LRRTM4: variants seen among roughly 807,000 people sequenced by gnomAD.
LRRTM4 encodes the protein leucine-rich repeat transmembrane neuronal protein 4.
LRRTM4 carries 25 observed loss-of-function variants against 47.6 expected under a neutral mutation model. The ratio of observed to expected loss-of-function variants is 0.53; its 90% confidence interval spans 0.38 to 0.73. The LOEUF is 0.73. LRRTM4 is among the 30% of genes least tolerant of loss of function. LRRTM4 has a pLI of 0.00. For missense variants in LRRTM4, 638 were observed against 713.4 expected (o/e 0.89, Z 1.20); for synonymous variants, 311 against 269.5 (o/e 1.15, Z -1.51).
At chr2:76,798,672 T>C (rs1317106154) in intron 3 of LRRTM4, among the ~76,000 whole-genome samples, 1 of 151,044 alleles carries the variant, frequency 6.6e-6, no homozygotes, top group East Asian at 1.9e-4. Flanking sequence ...GCTGGTTTTT[T>C]GAAAGGATCA....
At chr2:76,950,923 A>G (rs970928242) in intron 3 of LRRTM4, among the ~76,000 whole-genome samples, 4 of 152,058 alleles carry the variant, frequency 2.6e-5, no homozygotes, top group African/African-American at 9.7e-5. Flanking sequence ...TAAACCAGAC[A>G]GATGCATTCA....
chr2:76,982,113 T>C (rs1676632357), intron 3 of LRRTM4, among the ~76,000 whole-genome samples: 1 of 152,212 alleles, frequency 6.6e-6, no homozygotes, highest in Middle Eastern at 3.4e-3. Context: ...TATGTGTCCA[T>C]GGATATTGTT....
chr2:76,847,475 T>C (rs912105260), intron 3 of LRRTM4, among the ~76,000 whole-genome samples: 3 of 152,146 alleles, frequency 2.0e-5, no homozygotes, highest in South Asian at 2.1e-4. Flanking sequence ...CTTTTCTATA[T>C]AGGTTTTCTC....
chr2:77,138,383 A>G (rs1672012492), intron 3 of LRRTM4, among the ~76,000 whole-genome samples: 1 of 152,204 alleles, frequency 6.6e-6, no homozygotes, highest in Non-Finnish European at 1.5e-5. Flanking sequence ...CTGGGTACAT[A>G]ACGAAATGAA....
Position 76,953,929 on chromosome 2 carries a change from C to T in LRRTM4, c.1552-205013G>A, listed in dbSNP as rs538977591. Among the ~76,000 whole-genome samples the T allele has an allele frequency of 7.9e-5, 12 of 151,956 alleles. 1 individual carries two copies. In the South Asian group the frequency reaches 2.5e-3, roughly 32 times the overall value. On this transcript the variant is annotated intron_variant, in intron 3 of 3. Coordinates refer to ENST00000409884, the MANE Select transcript of LRRTM4 (RefSeq NM_001134745.3). ...ATCAGAGAACCTGCAATACCACAGA[C>T]AGACACCAGAGAGAGCAAGAGACTA...
intron 3 of LRRTM4, among the ~76,000 whole-genome samples, chr2:77,191,907 T>G (rs1673680138): frequency 6.6e-6 from 1 of 151,964 alleles, no homozygotes; most frequent in South Asian, 2.1e-4. Flanking sequence ...ACCCCTAAAC[T>G]TTACAGGACA....
chr2:77,314,428 A>G (rs1291199001), intron 3 of LRRTM4, among the ~76,000 whole-genome samples: 1 of 152,210 alleles, frequency 6.6e-6, no homozygotes, highest in African/African-American at 2.4e-5. Context: ...CTTGATTTAT[A>G]GCCTTTTATA....
At chr2:76,760,093 A>G (rs1156867937) in intron 3 of LRRTM4, among the ~76,000 whole-genome samples, 1 of 152,026 alleles carries the variant, frequency 6.6e-6, no homozygotes, top group Admixed American at 6.6e-5. Flanking sequence ...TTTATTAGAG[A>G]ATTGAGTTGT....
intron 3 of LRRTM4, among the ~76,000 whole-genome samples, chr2:77,167,589 T>G (rs1672922555): frequency 6.6e-6 from 1 of 152,178 alleles, no homozygotes; most frequent in African/African-American, 2.4e-5. Context: ...TAAGAAAATG[T>G]GGCATATATA....
At chr2:76,944,444 G>C (rs952918055) in intron 3 of LRRTM4, among the ~76,000 whole-genome samples, 1 of 152,054 alleles carries the variant, frequency 6.6e-6, no homozygotes, top group Non-Finnish European at 1.5e-5. Flanking sequence ...AAAACATGTT[G>C]ATCTTGTTCT....
chr2:77,483,119 A>C (rs1442072004), intron 3 of LRRTM4, among the ~76,000 whole-genome samples: 1 of 4,874 alleles, frequency 2.1e-4, no homozygotes, highest in Non-Finnish European at 8.9e-4. Flanking sequence ...AGACTGTCTC[A>C]AAAAAAAAAA....
Position 77,504,724 on chromosome 2 carries a change from T to C in LRRTM4, c.1551+13594A>G, listed in dbSNP as rs892897059. Among the ~76,000 whole-genome samples, 6 of 151,506 alleles carry C rather than the reference T, an allele frequency of 4.0e-5. 1 individual carries two copies. The South Asian group carries it at 1.2e-3, about 31-fold the overall frequency. ...GACTCAAGGAGCTGACATCCCTTAT[T>C]TATAGTTTGTAGTGCAGTGGTCTAT... On this transcript the variant is annotated intron_variant, in intron 3 of 3. Coordinates refer to ENST00000409884, the MANE Select transcript of LRRTM4 (RefSeq NM_001134745.3).
At chr2:77,365,415 T>G (rs73941245) in intron 3 of LRRTM4, among the ~76,000 whole-genome samples, 4,962 of 152,070 alleles carry the variant, frequency 0.033, 202 homozygotes, top group African/African-American at 0.096. Context: ...AAAGAGTCAT[T>G]CAGTAATCAA....
At chr2:77,063,564 T>C (rs10198799) in intron 3 of LRRTM4, among the ~76,000 whole-genome samples, 68,973 of 151,920 alleles carry the variant, frequency 0.45, 20,264 homozygotes, top group African/African-American at 0.83. Flanking sequence ...GTAGTCTCTT[T>C]CAAATTAGCA....
At chr2:77,116,074 G>A (rs1453010758) in intron 3 of LRRTM4, among the ~76,000 whole-genome samples, 3 of 152,070 alleles carry the variant, frequency 2.0e-5, no homozygotes, top group African/African-American at 7.2e-5. Flanking sequence ...AGCAAAATGG[G>A]TTTAGGCACT....
At chr2:77,012,973 C>T (rs922415793) in intron 3 of LRRTM4, among the ~76,000 whole-genome samples, 4 of 152,104 alleles carry the variant, frequency 2.6e-5, no homozygotes, top group African/African-American at 9.7e-5. Flanking sequence ...TACAGATGTT[C>T]AAGAGGTATA....
chr2:76,834,098 T>C (rs998160415), intron 3 of LRRTM4, among the ~76,000 whole-genome samples: 3 of 151,646 alleles, frequency 2.0e-5, no homozygotes, highest in Non-Finnish European at 4.4e-5. Context: ...TGGAGTGCAG[T>C]GGCACCATCT....
chr2:77,361,473 C>T (rs1292807263), intron 3 of LRRTM4, among the ~76,000 whole-genome samples: 1 of 152,092 alleles, frequency 6.6e-6, no homozygotes, highest in African/African-American at 2.4e-5. Context: ...TTGGCTTAAT[C>T]TCTTAGACAA....
intron 3 of LRRTM4, among the ~76,000 whole-genome samples, chr2:76,867,907 C>A (rs184970437): frequency 6.6e-6 from 1 of 152,116 alleles, no homozygotes; most frequent in African/African-American, 2.4e-5. Context: ...TCCCAGGAAA[C>A]GTAGTACTGA....
Sources: gnomAD v4.1 joint callset for allele counts (sites outside exome capture counted in the v4.1 genomes callset) on GRCh38, gnomAD v4.1.1 for gene constraint, MANE v1.5 for transcripts, NCBI Gene and HGNC (gene_info 2026-07-23, HGNC 2026-07-21) for gene names.